Variants in TLE6 observed in about 807,000 individuals in gnomAD.
TLE6 encodes TLE family member 6, subcortical maternal complex member, also known as transducin-like enhancer protein 6.
TLE6 carries 72 observed loss-of-function variants against 77.1 expected under a neutral mutation model. That is an observed-to-expected ratio of 0.93 (90% CI 0.77 to 1.14). TLE6 has a LOEUF of 1.14. Ranked by LOEUF, TLE6 falls within the 50% of genes most tolerant of loss-of-function variation. The pLI is 0.00. For synonymous variants in TLE6, 366 were observed against 287.3 expected, an observed-to-expected ratio of 1.27 and a Z score of -2.77; for missense variants, 843 against 747.6, an observed-to-expected ratio of 1.13 and a Z score of -1.49.
Position 2,980,128 on chromosome 19 carries a change from GCT to G in TLE6, c.84_85del (p.Pro29AspfsTer65). 6.4e-7 allele frequency: 1 copy of G among 1,550,488 alleles called. No homozygotes were observed. The highest frequency in any genetic ancestry group is 8.7e-7 in the Non-Finnish European group (1 of 1,146,184). ...TGTCCTGGGATCTCGAACTCTGAGAGCTCTCCGACGCTGAATTATCAGGGCAT... is the reference window on the plus strand; with the variant it reads ...TGTCCTGGGATCTCGAACTCTGAGAGCTCCGACGCTGAATTATCAGGGCAT... On this transcript the variant is annotated frameshift_variant, in exon 3 of 17. Transcript: ENST00000246112. LOFTEE classifies it high-confidence loss of function.
rs2089181794 is a variant in TLE6, at chr19:2,995,046, TCCCCCCCCTTCC to T, written c.*51_*62del. On this transcript the variant is annotated 3_prime_UTR_variant, in exon 17 of 17. Transcript: ENST00000246112. ...CATCCCACTCCGGCTCCTCTTTTCATCCCCCCCCTTCCCCCCCCCCAACAAGGGGGACATGGT... is the reference window on the plus strand; with the variant it reads ...CATCCCACTCCGGCTCCTCTTTTCATCCCCCCCCAACAAGGGGGACATGGT... 8 of 995,962 alleles carry T rather than the reference TCCCCCCCCTTCC, an allele frequency of 8.0e-6. No individual in the cohort carries two copies. The highest frequency in any genetic ancestry group is 1.0e-5 in the Non-Finnish European group (7 of 694,002). 61.7% of individuals were successfully genotyped at this position (995,962 alleles called of 1,614,324 possible).
At chr19:2,982,883 G>A (rs1222692752) in intron 5 of TLE6, among the ~76,000 whole-genome samples, 1 of 152,258 alleles carries the variant, frequency 6.6e-6, no homozygotes, top group South Asian at 2.1e-4. Context: ...GCAGGCACCC[G>A]GCTGTGTTCC....
At chr19:2,988,358 A>G (rs1025652158) in intron 11 of TLE6, among the ~76,000 whole-genome samples, 11 of 151,988 alleles carry the variant, frequency 7.2e-5, no homozygotes, top group Non-Finnish European at 1.3e-4. Context: ...GCACTTTGGG[A>G]GGCCGAGGCG....
intron 13 of TLE6, 79 bp from the exon 14 acceptor site, chr19:2,991,763 CA>C: frequency 6.9e-7 from 1 of 1,448,760 alleles, no homozygotes; most frequent in Non-Finnish European, 9.6e-7. Flanking sequence ...CTTTCATGCC[CA>C]AATGTAGTGA....
chr19:2,987,929 C>T lies in TLE6; in HGVS notation c.657C>T (p.Pro219=). The change falls in exon 10 of 17, where the codon CCC becomes CCT. Residue 219 remains proline, a synonymous_variant. Transcript: ENST00000246112. The stretch of plus-strand genomic sequence containing the variant: ...GGCCACCTGAGGCCTCCTCCAGTCC[C>T]CCTGAGGGTTCCCAAGACAGGAACA... ...TPRPPEASSS[P]PEGSQDRNTS... The T allele has an allele frequency of 6.8e-6, 11 of 1,610,720 alleles. No individual in the cohort carries two copies. The highest frequency in any genetic ancestry group is 9.3e-6 in the Non-Finnish European group (11 of 1,177,872).
At chr19:2,981,392 C>T in intron 3 of TLE6, 146 bp from the exon 4 acceptor site, 2 of 673,520 alleles carry the variant, frequency 3.0e-6, no homozygotes, top group Non-Finnish European at 5.1e-6. Context: ...TCTTACTGAA[C>T]TTCTTGACAC....
intron 5 of TLE6, 62 bp from the exon 6 acceptor site, chr19:2,986,767 G>A (rs2145040162): frequency 1.3e-6 from 2 of 1,486,924 alleles, no homozygotes; most frequent in Non-Finnish European, 1.8e-6. Context: ...TAATCATGCT[G>A]TAGGATTGCA....
At position 2,989,163 on chromosome 19, in the gene TLE6, G is replaced by T. The variant is rs773033193; in HGVS notation, c.843G>T (p.Arg281=). 2 of 1,614,164 alleles carry T rather than the reference G, an allele frequency of 1.2e-6. No homozygotes were observed. Among genetic ancestry groups the T allele is most frequent in the South Asian group, 2.2e-5 (2 of 91,092 alleles). The change falls in exon 12 of 17, where the codon CGG becomes CGT. Residue 281 remains arginine (R), a synonymous_variant. Transcript: ENST00000246112. ...LAVPCKLEKM[R]ILAHGELVLA... Reference sequence around the variant, plus strand: ...TCCCGTGCAAACTGGAAAAGATGCGGATCTTGGCACACGGGGAGCTCGTGC... The same window carrying T: ...TCCCGTGCAAACTGGAAAAGATGCGTATCTTGGCACACGGGGAGCTCGTGC...
At chr19:2,985,420 T>TTTTTTG (rs1331900020) in intron 5 of TLE6, among the ~76,000 whole-genome samples, 10 of 137,784 alleles carry the variant, frequency 7.3e-5, no homozygotes, top group Admixed American at 3.6e-4. Flanking sequence ...TTTTTTTTTT[T>TTTTTTG]GAGACAAGTC....
chr19:2,987,522 G>T (rs2088943009), intron 8 of TLE6, 150 bp downstream of exon 8: 8 of 1,235,068 alleles, frequency 6.5e-6, no homozygotes, highest in Non-Finnish European at 9.4e-6. Flanking sequence ...GGTGATCCAG[G>T]AGGCTATACT....
At position 2,989,833 on chromosome 19, in the gene TLE6, T is replaced by C. The variant is rs780361363; in HGVS notation, c.1244+48T>C. Reference sequence around the variant, plus strand: ...GGAAGCATCCTGTGCCAGCCTCCTGTGGCCACCTCTGCCCACCTTACTGCT... The same window carrying C: ...GGAAGCATCCTGTGCCAGCCTCCTGCGGCCACCTCTGCCCACCTTACTGCT... On this transcript the variant is annotated intron_variant, in intron 13 of 16. Coordinates refer to ENST00000246112, the MANE Select transcript of TLE6 (RefSeq NM_001143986.2). 1.0e-5 allele frequency: 16 copies of C among 1,600,360 alleles called. 1 individual carries two copies. In the East Asian group the frequency reaches 3.6e-4, roughly 36 times the overall value.
chr19:2,982,493 G>A (rs1457045922), intron 5 of TLE6, among the ~76,000 whole-genome samples: 9 of 149,220 alleles, frequency 6.0e-5, no homozygotes, highest in South Asian at 2.1e-4. Flanking sequence ...AGGCAAGATC[G>A]TGGAACTGCA....
intron 5 of TLE6, chr19:2,984,340 T>TCC (rs34723547): frequency 3.2e-4 from 39 of 121,736 alleles, no homozygotes; most frequent in East Asian, 8.6e-4. Context: ...CAGCCTGGAG[T>TCC]CCCCCCCCCC....
Position 2,980,157 on chromosome 19 carries a change from C to G in TLE6, c.109C>G (p.Leu37Val). Residue 37 changes from leucine (L) to valine (V), a missense_variant, in exon 3 of 17, where the codon CTA becomes GTA. Transcript: ENST00000246112. ...SSPTLNYQGILNRLKQFPRFS... is the reference protein window; with the variant it reads ...SSPTLNYQGIVNRLKQFPRFS... The stretch of plus-strand genomic sequence containing the variant: ...TCCGACGCTGAATTATCAGGGCATT[C>G]TAAATCGGCTCAAGCAGTTCCCCAG... 1 of 1,548,926 alleles carries G rather than the reference C, an allele frequency of 6.5e-7. No individual in the cohort carries two copies. The highest frequency in any genetic ancestry group is 8.7e-7 in the Non-Finnish European group (1 of 1,145,360).
chr19:2,978,894 G>T (rs1031425689), intron 2 of TLE6, among the ~76,000 whole-genome samples: 5 of 152,144 alleles, frequency 3.3e-5, no homozygotes, highest in Non-Finnish European at 7.3e-5. Flanking sequence ...GGCTCTCAGG[G>T]CTGAGCAGAC....
chr19:2,987,210 C>G lies in TLE6; in HGVS notation c.513C>G (p.His171Gln). The change falls in exon 7 of 17, where the codon CAC (histidine) becomes CAG (glutamine). Residue 171 changes from histidine to glutamine, a missense_variant. Transcript: ENST00000246112. ...TCTGGCGGATTTTTGCCGGCGTCCA[C>G]GATGAGAAGGCAAAGCCCAGAGACA... ...EQLWRIFAGV[H>Q]DEKAKPRDRQ... 2.5e-6 allele frequency: 4 copies of G among 1,614,092 alleles called. No individual in the cohort carries two copies. Among genetic ancestry groups the G allele is most frequent in the East Asian group, 2.2e-5 (1 of 44,882 alleles).
chr19:2,987,025 G>T lies in TLE6; in HGVS notation c.328G>T (p.Val110Leu). Residue 110 changes from valine to leucine, a missense_variant, in exon 7 of 17, where the codon GTG (valine) becomes TTG (leucine). Val to Leu is a conservative substitution (Grantham distance 32). Coordinates refer to ENST00000246112, the MANE Select transcript of TLE6 (RefSeq NM_001143986.2). ...EPASPGTPQQVKDKTLQESSF... is the reference protein window; with the variant it reads ...EPASPGTPQQLKDKTLQESSF... Reference sequence around the variant, plus strand: ...AGCCAGCCCTGGGACGCCCCAGCAGGTGAAGGACAAGACCCTGCAGGAGTC... The same window carrying T: ...AGCCAGCCCTGGGACGCCCCAGCAGTTGAAGGACAAGACCCTGCAGGAGTC... The T allele has an allele frequency of 6.2e-7, 1 of 1,613,792 alleles. No individual in the cohort carries two copies. The highest frequency in any genetic ancestry group is 8.5e-7 in the Non-Finnish European group (1 of 1,179,728).
At chr19:2,990,194 T>C (rs749753058) in intron 13 of TLE6, among the ~76,000 whole-genome samples, 2 of 152,076 alleles carry the variant, frequency 1.3e-5, no homozygotes, top group Non-Finnish European at 2.9e-5. Context: ...AGCCCAGGAA[T>C]TCGAGATTAA....
chr19:2,985,399 CTT>C (rs1158204473), intron 5 of TLE6, among the ~76,000 whole-genome samples: 51 of 89,984 alleles, frequency 5.7e-4, no homozygotes, highest in African/African-American at 1.6e-3. Context: ...TGCTTGAAGC[CTT>C]TTTTTTTTTT....
Sources: allele counts gnomAD v4.1 joint callset (sites outside exome capture counted in the v4.1 genomes callset), GRCh38; gene constraint gnomAD v4.1.1; transcripts MANE v1.5; gene names NCBI Gene and HGNC (gene_info 2026-07-23, HGNC 2026-07-21).